The following MYH13 variants were observed in gnomAD, a reference collection of about 807,000 sequenced individuals.
The protein encoded by MYH13 is myosin heavy chain 13.
In MYH13, 177 loss-of-function variants were observed where a neutral mutation model predicts 232.1. That is an observed-to-expected ratio of 0.76 (90% CI 0.67 to 0.86). The LOEUF (loss-of-function observed/expected upper bound fraction) is 0.86. MYH13 is among the 40% of genes least tolerant of loss of function. MYH13 has a pLI of 0.00. For synonymous variants in MYH13, 884 were observed against 923.5 expected (o/e 0.96, Z 0.78); for missense variants, 2,246 against 2,405.9 (o/e 0.93, Z 1.39).
At chr17:10,329,645 TC>T (rs1483921779) in intron 21 of MYH13, among the ~76,000 whole-genome samples, 1 of 152,116 alleles carries the variant, frequency 6.6e-6, no homozygotes, top group African/African-American at 2.4e-5. Flanking sequence ...TCGGGCTTCC[TC>T]CCAGACCACC....
In MYH13 at chr17:10,354,726, A is replaced by G. The variant is rs543870333; in HGVS notation, c.959T>C (p.Val320Ala). Residue 320 changes from valine to alanine, a missense_variant, in exon 11 of 41, where the codon GTC becomes GCC. By Grantham distance (64) the Val-to-Ala change is moderately conservative. Coordinates refer to ENST00000252172, the MANE Select transcript of MYH13 (RefSeq NM_003802.3). Reference protein sequence around the residue: ...FDFPFVSQGEVTVASIDDSEE... With the variant: ...FDFPFVSQGEATVASIDDSEE... ...ACTGTCATCGATACTGGCTACCGTG[A>G]CCTCTCCTTGGCTCACGAAGGGGAA... The G allele has an allele frequency of 2.5e-6, 4 of 1,613,810 alleles. No individual in the cohort carries two copies. The South Asian group carries it at 4.4e-5, about 18-fold the overall frequency.
chr17:10,309,333 C>T lies in MYH13; in HGVS notation c.5070G>A (p.Glu1690=). 6.2e-7 allele frequency: 1 copy of T among 1,613,884 alleles called. No homozygotes were observed. Among genetic ancestry groups the T allele is most frequent in the Non-Finnish European group, 8.5e-7 (1 of 1,179,844 alleles). Residue 1690 remains glutamate (E), a synonymous_variant, in exon 35 of 41, where the codon GAG becomes GAA. Coordinates refer to ENST00000252172, the MANE Select transcript of MYH13 (RefSeq NM_003802.3). ...RRNGLLLEEL[E]EMKVALEQTE... ...TCTGTTCCAGGGCCACCTTCATTTC[C>T]TCCAGCTCCTCCAGCAGGAGGCCAT...
intron 18 of MYH13, 67 bp from the exon 19 acceptor site, chr17:10,333,258 C>G: frequency 9.0e-7 from 1 of 1,106,264 alleles, no homozygotes; most frequent in Non-Finnish European, 1.3e-6. Flanking sequence ...TCTGAGGCAC[C>G]ATGAGACCCT....
intron 16 of MYH13, 23 bp from the exon 17 acceptor site, chr17:10,340,424 G>A (rs377431018): frequency 1.9e-5 from 30 of 1,589,752 alleles, no homozygotes; most frequent in South Asian, 9.0e-5. Context: ...ACAGAAGAGC[G>A]TGTTAGATGC....
intron 18 of MYH13, among the ~76,000 whole-genome samples, chr17:10,338,137 G>T (rs2142252685): frequency 6.6e-6 from 1 of 152,290 alleles, no homozygotes; most frequent in South Asian, 2.1e-4. Context: ...CCACCTTGCA[G>T]GCCATCTGCT....
In MYH13 at chr17:10,343,759, A is replaced by G. The variant is rs368908061; in HGVS notation, c.1894+41T>C. ...GCAGCTCTGGGTTAGGAGTCATTAC[A>G]TAGAACGTCCCACAGAGGGAAAGAA... On this transcript the variant is annotated intron_variant, in intron 16 of 40. Coordinates refer to ENST00000252172, the MANE Select transcript of MYH13 (RefSeq NM_003802.3). 285 of 1,536,532 alleles carry G rather than the reference A, an allele frequency of 1.9e-4. No homozygotes were observed. In the East Asian group the frequency reaches 2.4e-3, roughly 13 times the overall value.
Position 10,324,082 on chromosome 17 carries a change from A to G in MYH13, c.2874T>C (p.Ile958=). The G allele has an allele frequency of 6.2e-7, 1 of 1,613,912 alleles. No homozygotes were observed. The highest frequency in any genetic ancestry group is 8.5e-7 in the Non-Finnish European group (1 of 1,179,948). ...EDKCSSLKRD[I]DDLELTLTKV... ...TCGTCAAGGTCAGCTCCAGGTCATC[A>G]ATGTCTCTCTTGAGAGAGGAGCATT... is the stretch of plus-strand genomic sequence containing the variant. The change falls in exon 23 of 41, where the codon ATT becomes ATC. Residue 958 remains isoleucine, a synonymous_variant. Coordinates refer to ENST00000252172, the MANE Select transcript of MYH13 (RefSeq NM_003802.3).
intron 23 of MYH13, 47 bp downstream of exon 23, chr17:10,323,963 TACAGAGAGAGAG>T: frequency 6.3e-7 from 1 of 1,593,544 alleles, no homozygotes; most frequent in Non-Finnish European, 8.5e-7. Context: ...TTCTCCTCCT[TACAGAGAGAGAG>T]AGTGAAGCCT....
At chr17:10,348,890 C>T (rs1193086712) in intron 12 of MYH13, among the ~76,000 whole-genome samples, 2 of 152,140 alleles carry the variant, frequency 1.3e-5, no homozygotes, top group Non-Finnish European at 2.9e-5. Flanking sequence ...TCATTTCTTA[C>T]AAATCCACTG....
intron 40 of MYH13, among the ~76,000 whole-genome samples, chr17:10,301,284 G>A (rs1243559409): frequency 6.6e-6 from 1 of 152,154 alleles, no homozygotes; most frequent in Admixed American, 6.5e-5. Flanking sequence ...ATTTGGGAGT[G>A]TGCAACCAGC....
intron 21 of MYH13, 29 bp downstream of exon 21, chr17:10,330,358 G>T: frequency 6.2e-7 from 1 of 1,612,692 alleles, no homozygotes; most frequent in Non-Finnish European, 8.5e-7. Flanking sequence ...GAGAGGGCAG[G>T]ATAAGGTGGA....
At chr17:10,338,826 G>C (rs901769659) in intron 18 of MYH13, among the ~76,000 whole-genome samples, 1 of 151,554 alleles carries the variant, frequency 6.6e-6, no homozygotes, top group South Asian at 2.1e-4. Context: ...TCGGCCTCCC[G>C]AATAGCTGGG....
At chr17:10,327,331 A>G (rs1412435170) in intron 22 of MYH13, among the ~76,000 whole-genome samples, 1 of 151,516 alleles carries the variant, frequency 6.6e-6, no homozygotes, top group Non-Finnish European at 1.5e-5. Context: ...TTTTTTACAG[A>G]GATGGGGTTT....
intron 12 of MYH13, 50 bp from the exon 13 acceptor site, chr17:10,346,848 G>C: frequency 7.2e-7 from 1 of 1,383,476 alleles, no homozygotes. Context: ...AGCTGCTAAA[G>C]TGTCCAGTCA....
intron 2 of MYH13, among the ~76,000 whole-genome samples, chr17:10,365,427 T>A (rs528818823): frequency 6.6e-6 from 1 of 152,082 alleles, no homozygotes; most frequent in South Asian, 2.1e-4. Flanking sequence ...CCTTGAGGGG[T>A]TGTTAAAGCA....
At chr17:10,312,802 A>C (rs1486201528) in intron 30 of MYH13, 45 bp from the exon 31 acceptor site, 2 of 1,564,602 alleles carry the variant, frequency 1.3e-6, no homozygotes. Context: ...AAGGTGGAAT[A>C]TTTCAGTAGG....
chr17:10,305,376 T>G (rs58462723), intron 37 of MYH13, among the ~76,000 whole-genome samples: 1 of 152,298 alleles, frequency 6.6e-6, no homozygotes, highest in African/African-American at 2.4e-5. Flanking sequence ...TTAAAGAATT[T>G]TGGGGGAAGT....
At position 10,306,477 on chromosome 17, in the gene MYH13, G is replaced by A. The variant is rs1024986768; in HGVS notation, c.5448C>T (p.Ile1816=). The change falls in exon 37 of 41, where the codon ATC becomes ATT. Residue 1816 remains isoleucine, a synonymous_variant. Transcript: ENST00000252172. This position sits in a 1 kb window ranked among gnomAD's most constrained non-coding sequence, Gnocchi z 4.3. ...QLALKGGKKQ[I]QKLENRVREL... is the part of the protein sequence containing the mutation. ...ACTCTACCCGGTTCTCCAGTTTCTGGATCTGCTTCTTCCCGCCCTTCAGCG... is the reference window on the plus strand; with the variant it reads ...ACTCTACCCGGTTCTCCAGTTTCTGAATCTGCTTCTTCCCGCCCTTCAGCG... 6.2e-7 allele frequency: 1 copy of A among 1,614,046 alleles called. No homozygotes were observed. The highest frequency in any genetic ancestry group is 8.5e-7 in the Non-Finnish European group (1 of 1,180,002).
At chr17:10,311,669 G>A (rs1162770727) in intron 32 of MYH13, among the ~76,000 whole-genome samples, 1 of 152,146 alleles carries the variant, frequency 6.6e-6, no homozygotes, top group Non-Finnish European at 1.5e-5. Context: ...CTTCTCTAAC[G>A]GAGCAGTGGG....
Sources: gnomAD v4.1 joint callset for allele counts (sites outside exome capture counted in the v4.1 genomes callset) on GRCh38, gnomAD v4.1.1 for gene constraint, Gnocchi (gnomAD v3.1) non-coding constraint, MANE v1.5 for transcripts, NCBI Gene and HGNC (gene_info 2026-07-23, HGNC 2026-07-21) for gene names.